Variants in PTPRD observed in about 807,000 individuals in gnomAD.
The protein encoded by PTPRD is protein tyrosine phosphatase receptor type D, also known as receptor-type tyrosine-protein phosphatase delta.
In PTPRD, 34 loss-of-function variants were observed where a neutral mutation model predicts 214.5. That is an observed-to-expected ratio of 0.16 (90% confidence interval 0.12 to 0.21). PTPRD has a LOEUF of 0.21. Among genes scored for constraint, PTPRD ranks in the 10% least tolerant of loss-of-function variants. The pLI is 1.00. For synonymous variants in PTPRD, 1,128 were observed against 845.7 expected (o/e 1.33, Z -5.79); for missense variants, 2,545 against 2,398.7 (o/e 1.06, Z -1.27).
At chr9:9,593,486 A>G (rs1229166769) in intron 7 of PTPRD, among the ~76,000 whole-genome samples, 1 of 152,142 alleles carries the variant, frequency 6.6e-6, no homozygotes, top group Non-Finnish European at 1.5e-5. Flanking sequence ...TATAGAAGAC[A>G]TATTTGAGAG....
chr9:8,454,346 A>T (rs969231880), intron 33 of PTPRD, among the ~76,000 whole-genome samples: 4 of 152,238 alleles, frequency 2.6e-5, no homozygotes, highest in African/African-American at 7.2e-5. Flanking sequence ...TGGTTTGTGT[A>T]CTATCTTTTA....
At chr9:10,228,163 A>T (rs1343034177) in intron 3 of PTPRD, among the ~76,000 whole-genome samples, 3 of 152,008 alleles carry the variant, frequency 2.0e-5, no homozygotes, top group Non-Finnish European at 4.4e-5. Flanking sequence ...TTCCAATAAA[A>T]TCTTGGAACA....
intron 5 of PTPRD, among the ~76,000 whole-genome samples, chr9:9,869,930 G>C (rs1365220218): frequency 1.3e-5 from 2 of 151,918 alleles, no homozygotes; most frequent in East Asian, 1.9e-4. Flanking sequence ...TTAAGCAATG[G>C]TTGCTAATTT....
At chr9:9,673,160 T>C (rs2154389231) in intron 7 of PTPRD, among the ~76,000 whole-genome samples, 1 of 152,126 alleles carries the variant, frequency 6.6e-6, no homozygotes, top group East Asian at 1.9e-4. Context: ...TCACACATTT[T>C]CAAAATCCTG....
chr9:9,798,480 T>C (rs2099018187), intron 5 of PTPRD, among the ~76,000 whole-genome samples: 2 of 152,196 alleles, frequency 1.3e-5, no homozygotes, highest in Admixed American at 1.3e-4. Context: ...TGTCCTTGTG[T>C]CTTCAGACAT....
At chr9:8,510,294 A>AAAAT (rs1242653715) in intron 21 of PTPRD, among the ~76,000 whole-genome samples, 7 of 152,090 alleles carry the variant, frequency 4.6e-5, no homozygotes, top group African/African-American at 9.6e-5. Flanking sequence ...CCTGTCTCTA[A>AAAAT]AAATAAATAA....
chr9:9,645,428 T>A (rs1231110429), intron 7 of PTPRD, among the ~76,000 whole-genome samples: 1 of 149,424 alleles, frequency 6.7e-6, no homozygotes, highest in Non-Finnish European at 1.5e-5. Flanking sequence ...GTTTTTTTCA[T>A]TATAATTATC....
At chr9:8,337,678 G>C (rs1383832231) in intron 43 of PTPRD, among the ~76,000 whole-genome samples, 2 of 151,770 alleles carry the variant, frequency 1.3e-5, no homozygotes, top group African/African-American at 4.8e-5. Context: ...AAAAAGGTGA[G>C]CAACTTCCGG....
intron 39 of PTPRD, among the ~76,000 whole-genome samples, chr9:8,354,307 A>C (rs1016309341): frequency 2.0e-5 from 3 of 152,164 alleles, no homozygotes; most frequent in Non-Finnish European, 4.4e-5. Flanking sequence ...AGCAAAATAA[A>C]CAGAAAAACT....
chr9:8,563,531 G>A (rs2087401548), intron 14 of PTPRD, among the ~76,000 whole-genome samples: 1 of 150,858 alleles, frequency 6.6e-6, no homozygotes, highest in African/African-American at 2.4e-5. Context: ...TCTGCTCATG[G>A]GTTCAAGCAA....
intron 2 of PTPRD, among the ~76,000 whole-genome samples, chr9:10,446,936 G>T (rs749252943): frequency 6.6e-6 from 1 of 152,112 alleles, no homozygotes; most frequent in East Asian, 1.9e-4. Flanking sequence ...GCAAGGACAC[G>T]TTTACAGAAC....
At position 8,528,587 on chromosome 9, in the gene PTPRD, C is replaced by T. The variant is rs774332651; in HGVS notation, c.541+4G>A. The T allele has an allele frequency of 6.2e-7, 1 of 1,613,108 alleles. No individual in the cohort carries two copies. Among genetic ancestry groups the T allele is most frequent in the South Asian group, 1.1e-5 (1 of 91,036 alleles). On this transcript the variant is annotated splice_donor_region_variant and intron_variant, in intron 15 of 45. Transcript: ENST00000381196. ...AGTTAGTAGAAACAGTAACAAGACC[C>T]TACCTGATCGTAACTGCTTAATACG...
chr9:9,528,045 C>G (rs1245119427), intron 8 of PTPRD, among the ~76,000 whole-genome samples: 1 of 152,114 alleles, frequency 6.6e-6, no homozygotes, highest in Non-Finnish European at 1.5e-5. Flanking sequence ...CATTTCTAGG[C>G]AAGCAAAGGG....
chr9:8,418,367 T>C (rs1243851264), intron 35 of PTPRD, among the ~76,000 whole-genome samples: 1 of 152,160 alleles, frequency 6.6e-6, no homozygotes, highest in Non-Finnish European at 1.5e-5. Context: ...GAGCATCCAT[T>C]TGGCAACTAG....
chr9:9,922,358 C>T (rs2082790512), intron 5 of PTPRD, among the ~76,000 whole-genome samples: 1 of 152,074 alleles, frequency 6.6e-6, no homozygotes, highest in Non-Finnish European at 1.5e-5. Flanking sequence ...TTGATCAGAG[C>T]TATTATTGGA....
At chr9:8,750,773 C>A (rs973191010) in intron 11 of PTPRD, among the ~76,000 whole-genome samples, 2 of 152,024 alleles carry the variant, frequency 1.3e-5, no homozygotes, top group Non-Finnish European at 2.9e-5. Flanking sequence ...TAAAGTGGGC[C>A]CAGGTTGCAC....
At chr9:9,554,652 C>T (rs1026574181) in intron 8 of PTPRD, among the ~76,000 whole-genome samples, 9 of 151,992 alleles carry the variant, frequency 5.9e-5, no homozygotes, top group African/African-American at 1.9e-4. Context: ...ACACTTGAGG[C>T]TTGACTCATT....
At chr9:8,967,329 T>A (rs962582867) in intron 11 of PTPRD, among the ~76,000 whole-genome samples, 14 of 151,842 alleles carry the variant, frequency 9.2e-5, no homozygotes, top group Admixed American at 2.6e-4. Flanking sequence ...ATCATCCTAC[T>A]AAATGGAAAG....
chr9:10,293,633 C>T (rs1052493611), intron 3 of PTPRD, among the ~76,000 whole-genome samples: 3 of 151,912 alleles, frequency 2.0e-5, no homozygotes, highest in Admixed American at 1.3e-4. Context: ...TGGGCAGTAA[C>T]TTTATGAATC....
Sources: gnomAD v4.1 joint callset for allele counts (sites outside exome capture counted in the v4.1 genomes callset) on GRCh38, gnomAD v4.1.1 for gene constraint, MANE v1.5 for transcripts, NCBI Gene and HGNC (gene_info 2026-07-23, HGNC 2026-07-21) for gene names.